Variants in PPFIBP2 observed in about 807,000 individuals in gnomAD.
PPFIBP2 encodes the protein liprin-beta-2.
In PPFIBP2, 118 loss-of-function variants were observed where a neutral mutation model predicts 118.3. The ratio of observed to expected loss-of-function variants is 1.00; its 90% CI spans 0.86 to 1.16. PPFIBP2 has a LOEUF of 1.16. PPFIBP2 is among the 50% of genes most tolerant of loss of function. The probability of loss-of-function intolerance (pLI) is 0.00; values close to 1 mark genes in which losing one functional copy is unlikely to be tolerated. For missense variants in PPFIBP2, 1,195 were observed against 1,073.1 expected, an observed-to-expected ratio of 1.11 and a Z score of -1.59; for synonymous variants, 414 against 397.4, an observed-to-expected ratio of 1.04 and a Z score of -0.50.
intron 2 of PPFIBP2, among the ~76,000 whole-genome samples, chr11:7,553,445 A>G (rs994355297): frequency 6.6e-6 from 1 of 152,198 alleles, no homozygotes; most frequent in African/African-American, 2.4e-5. Flanking sequence ...AAGATTGCTG[A>G]GGACACTTTT....
At chr11:7,535,709 G>A (rs1440879311) in intron 1 of PPFIBP2, among the ~76,000 whole-genome samples, 1 of 152,334 alleles carries the variant, frequency 6.6e-6, no homozygotes, top group East Asian at 1.9e-4. Context: ...GCCAGCTCAT[G>A]CGTTCAGACT....
At chr11:7,516,370 G>C (rs1407627718) in intron 1 of PPFIBP2, among the ~76,000 whole-genome samples, 2 of 152,190 alleles carry the variant, frequency 1.3e-5, no homozygotes. Flanking sequence ...GAGGACTAGG[G>C]AATGGGACAG....
intron 2 of PPFIBP2, among the ~76,000 whole-genome samples, chr11:7,560,264 A>G (rs1352280056): frequency 6.6e-6 from 1 of 152,226 alleles, no homozygotes; most frequent in Non-Finnish European, 1.5e-5. Flanking sequence ...GGGACTTTGA[A>G]AGAACAAGAG....
At chr11:7,646,983 A>G (rs1590793906) in intron 17 of PPFIBP2, among the ~76,000 whole-genome samples, 1 of 152,126 alleles carries the variant, frequency 6.6e-6, no homozygotes, top group South Asian at 2.1e-4. Flanking sequence ...GAAAGTTTGT[A>G]AGTTCCAGGC....
chr11:7,556,566 T>C (rs1446445546), intron 2 of PPFIBP2, among the ~76,000 whole-genome samples: 1 of 152,260 alleles, frequency 6.6e-6, no homozygotes, highest in Non-Finnish European at 1.5e-5. Context: ...ATTATTGTTT[T>C]TTCAGTTGAT....
intron 1 of PPFIBP2, among the ~76,000 whole-genome samples, chr11:7,532,534 G>C (rs746312411): frequency 1.3e-5 from 2 of 152,194 alleles, no homozygotes; most frequent in African/African-American, 4.8e-5. Context: ...GACTGGCCTC[G>C]TCCAAAGGCT....
At chr11:7,537,339 T>C (rs74051675) in intron 1 of PPFIBP2, among the ~76,000 whole-genome samples, 5,915 of 151,874 alleles carry the variant, frequency 0.039, 146 homozygotes, top group Non-Finnish European at 0.057. Flanking sequence ...ACACTTTTTT[T>C]CCCCCCCACA....
chr11:7,554,729 TAAATG>T (rs1328908412), intron 2 of PPFIBP2, among the ~76,000 whole-genome samples: 1 of 152,056 alleles, frequency 6.6e-6, no homozygotes, highest in African/African-American at 2.4e-5. Context: ...GCAGGACTAT[TAAATG>T]AAACTCCTTG....
Position 7,540,856 on chromosome 11 carries a change from G to A in PPFIBP2, c.-36-8584G>A, listed in dbSNP as rs11041432. Among the ~76,000 whole-genome samples, 885 of 152,264 alleles carry A rather than the reference G, an allele frequency of 5.8e-3. 17 individuals are homozygous for A. Among genetic ancestry groups the A allele is most frequent in the East Asian group, 0.054 (277 of 5,172 alleles). ...GCTGGCTTGATGGGAATTTAGCAGG[G>A]ACAGCTGTAGGCATGGGCATAAAAG... On this transcript the variant is annotated intron_variant, in intron 1 of 23. Transcript: ENST00000299492.
At chr11:7,519,695 C>T (rs528698316) in intron 1 of PPFIBP2, among the ~76,000 whole-genome samples, 3 of 152,174 alleles carry the variant, frequency 2.0e-5, no homozygotes, top group South Asian at 2.1e-4. Flanking sequence ...CCTGGACAGC[C>T]GGACGGAGAC....
At chr11:7,604,172 A>G (rs1050845555) in intron 5 of PPFIBP2, among the ~76,000 whole-genome samples, 5 of 152,240 alleles carry the variant, frequency 3.3e-5, no homozygotes, top group African/African-American at 1.2e-4. Flanking sequence ...GATTGACAGA[A>G]TAAAGGCAGC....
At chr11:7,549,358 G>C in intron 1 of PPFIBP2, 82 bp from the exon 2 acceptor site, 1 of 1,222,516 alleles carries the variant, frequency 8.2e-7, no homozygotes, top group Non-Finnish European at 1.2e-6. Flanking sequence ...GTGTGATGAT[G>C]GAATGAAAGA....
chr11:7,609,837 T>G (rs557627387), intron 5 of PPFIBP2, among the ~76,000 whole-genome samples: 7 of 152,348 alleles, frequency 4.6e-5, no homozygotes, highest in African/African-American at 1.7e-4. Context: ...AGTGAAGTCT[T>G]GTATTGGAAC....
At chr11:7,548,969 C>T (rs1252112365) in intron 1 of PPFIBP2, among the ~76,000 whole-genome samples, 1 of 152,196 alleles carries the variant, frequency 6.6e-6, no homozygotes, top group Non-Finnish European at 1.5e-5. Flanking sequence ...GCACTGCAGG[C>T]CTAGGGCAAA....
chr11:7,528,483 A>G (rs909149121), intron 1 of PPFIBP2, among the ~76,000 whole-genome samples: 4 of 152,248 alleles, frequency 2.6e-5, no homozygotes, highest in Admixed American at 6.5e-5. Flanking sequence ...AATTTATACA[A>G]AAAGCTTCTA....
intron 2 of PPFIBP2, among the ~76,000 whole-genome samples, chr11:7,558,987 T>C (rs939407791): frequency 6.6e-6 from 1 of 152,156 alleles, no homozygotes; most frequent in African/African-American, 2.4e-5. Flanking sequence ...TGGGAAACTT[T>C]TTATTACCCC....
chr11:7,632,750 G>A, intron 11 of PPFIBP2, 117 bp from the exon 12 acceptor site: 1 of 760,832 alleles, frequency 1.3e-6, no homozygotes, highest in Non-Finnish European at 2.3e-6. Flanking sequence ...TATCCACCAT[G>A]GCTGCACCCA....
chr11:7,540,972 C>T (rs1381481960), intron 1 of PPFIBP2, among the ~76,000 whole-genome samples: 1 of 152,116 alleles, frequency 6.6e-6, no homozygotes, highest in African/African-American at 2.4e-5. Flanking sequence ...CAGAGGTCTG[C>T]CAAAAGGTAT....
At chr11:7,620,473 G>T (rs1849212421) in intron 6 of PPFIBP2, among the ~76,000 whole-genome samples, 1 of 152,078 alleles carries the variant, frequency 6.6e-6, no homozygotes, top group South Asian at 2.1e-4. Context: ...CCTCTATGAG[G>T]CCTTTCAGGA....
Sources: allele counts gnomAD v4.1 joint callset (sites outside exome capture counted in the v4.1 genomes callset), GRCh38; gene constraint gnomAD v4.1.1; transcripts MANE v1.5; gene names NCBI Gene and HGNC (gene_info 2026-07-23, HGNC 2026-07-21).